The following TNFSF4 variants were observed in gnomAD, a reference collection of about 807,000 sequenced individuals.
TNFSF4 encodes the protein tumor necrosis factor ligand superfamily member 4.
Under a neutral mutation model 7.3 loss-of-function variants are expected in TNFSF4, and 4 were observed. The observed-to-expected ratio is 0.55, with a 90% CI of 0.27 to 1.25. The LOEUF (loss-of-function observed/expected upper bound fraction) is 1.25. Among genes scored for constraint, TNFSF4 ranks in the 50% most tolerant of loss-of-function variants. The pLI is 0.12. For missense variants in TNFSF4, 181 were observed against 208.8 expected (o/e 0.87, Z 0.82); for synonymous variants, 76 against 83.7 (o/e 0.91, Z 0.50).
At chr1:173,195,296 T>C (rs1210999866) in intron 1 of TNFSF4, among the ~76,000 whole-genome samples, 8 of 152,196 alleles carry the variant, frequency 5.3e-5, no homozygotes, top group Admixed American at 5.2e-4. Context: ...GAAACCCTGC[T>C]CTAGAAAGAG....
the TNFSF4 span, among the ~76,000 whole-genome samples, chr1:173,302,182 G>A: frequency 6.6e-6 from 1 of 151,744 alleles, no homozygotes; most frequent in Admixed American, 6.6e-5. Context: ...GCATTCATAG[G>A]GCTGACATAA....
the TNFSF4 span, among the ~76,000 whole-genome samples, chr1:173,251,466 C>T: frequency 1.3e-5 from 2 of 152,174 alleles, no homozygotes; most frequent in Admixed American, 6.5e-5. Context: ...ACATAGTACT[C>T]AATACCTATT....
At chr1:173,239,245 T>C in the TNFSF4 span, among the ~76,000 whole-genome samples, 10 of 152,244 alleles carry the variant, frequency 6.6e-5, no homozygotes, top group East Asian at 1.9e-3. Flanking sequence ...CAAGGATCCA[T>C]TAATAACTGC....
chr1:173,219,510 C>A, the TNFSF4 span, among the ~76,000 whole-genome samples: 1 of 152,104 alleles, frequency 6.6e-6, no homozygotes, highest in East Asian at 1.9e-4. Context: ...ACCATTTGAT[C>A]CAACAATCTC....
the TNFSF4 span, among the ~76,000 whole-genome samples, chr1:173,441,381 G>C: frequency 6.6e-6 from 1 of 152,092 alleles, no homozygotes; most frequent in African/African-American, 2.4e-5. Context: ...CCAGCACTTT[G>C]GGAGGCCAAG....
the TNFSF4 span, among the ~76,000 whole-genome samples, chr1:173,426,521 A>G: frequency 2.6e-5 from 4 of 152,218 alleles, no homozygotes; most frequent in South Asian, 6.2e-4. Context: ...CTATGATTAA[A>G]TAAAGGACTT....
At chr1:173,371,277 T>C in the TNFSF4 span, among the ~76,000 whole-genome samples, 95,929 of 152,084 alleles carry the variant, frequency 0.63, 30,444 homozygotes, top group Admixed American at 0.69. Context: ...TCAGTTGTAA[T>C]TGACAGACTT....
At chr1:173,418,977 G>A in the TNFSF4 span, among the ~76,000 whole-genome samples, 2 of 152,210 alleles carry the variant, frequency 1.3e-5, no homozygotes, top group Non-Finnish European at 2.9e-5. Context: ...CCTTTGAGAG[G>A]TAATTAAGAT....
chr1:173,349,710 G>A, the TNFSF4 span, among the ~76,000 whole-genome samples: 1 of 152,242 alleles, frequency 6.6e-6, no homozygotes, highest in Admixed American at 6.5e-5. Context: ...GAGAAAGTCT[G>A]GGAGAAATAT....
intron 1 of TNFSF4, chr1:173,205,444 A>G: frequency 6.4e-7 from 1 of 1,566,310 alleles, no homozygotes; most frequent in Non-Finnish European, 8.7e-7. Context: ...TTGATAGTCC[A>G]ATGTGACCCC....
chr1:173,401,117 G>A, the TNFSF4 span, among the ~76,000 whole-genome samples: 1 of 151,784 alleles, frequency 6.6e-6, no homozygotes, highest in Non-Finnish European at 1.5e-5. Flanking sequence ...TTTAAGTTTT[G>A]TTAATTTTAC....
At chr1:173,402,626 C>T in the TNFSF4 span, among the ~76,000 whole-genome samples, 1 of 152,206 alleles carries the variant, frequency 6.6e-6, no homozygotes, top group Non-Finnish European at 1.5e-5. Flanking sequence ...TATTTCTCAT[C>T]AATCCTGCTT....
chr1:173,419,419 C>G, the TNFSF4 span, among the ~76,000 whole-genome samples: 1 of 152,174 alleles, frequency 6.6e-6, no homozygotes, highest in African/African-American at 2.4e-5. Flanking sequence ...ATGTGATGCC[C>G]TCTGCCACGT....
chr1:173,188,482 T>C lies in TNFSF4; in HGVS notation c.202+39A>G, dbSNP rs754787162. On this transcript the variant is annotated intron_variant, in intron 2 of 2. Transcript: ENST00000281834. The stretch of plus-strand genomic sequence containing the variant: ...TTAAGAGACTGAAGAGAAGATTCTT[T>C]CAAAAATATGAATCAATTAAACTTT... 1.1e-4 allele frequency: 171 copies of C among 1,495,790 alleles called. 1 individual carries two copies. The South Asian group carries it at 1.8e-3, about 16-fold the overall frequency. 92.7% of individuals were successfully genotyped at this position (1,495,790 alleles called of 1,614,324 possible). A position where few individuals can be genotyped will look rare whatever the true frequency, so the allele number is the denominator to read the frequency against.
chr1:173,325,304 C>T, the TNFSF4 span, among the ~76,000 whole-genome samples: 1 of 151,988 alleles, frequency 6.6e-6, no homozygotes. Flanking sequence ...TAAAGATGTT[C>T]TTTGAAACCA....
At chr1:173,278,828 G>C in the TNFSF4 span, among the ~76,000 whole-genome samples, 1 of 152,038 alleles carries the variant, frequency 6.6e-6, no homozygotes, top group East Asian at 1.9e-4. Flanking sequence ...GAAGATAAGG[G>C]CAGAATTCCC....
At chr1:173,381,091 C>T in the TNFSF4 span, among the ~76,000 whole-genome samples, 17 of 152,264 alleles carry the variant, frequency 1.1e-4, no homozygotes, top group East Asian at 5.8e-4. Context: ...CTACAGGAAC[C>T]GGAATAGCCA....
At chr1:173,416,415 C>T in the TNFSF4 span, among the ~76,000 whole-genome samples, 2 of 151,776 alleles carry the variant, frequency 1.3e-5, no homozygotes, top group African/African-American at 2.4e-5. Flanking sequence ...AGAGGGATGA[C>T]GGAGAGAACC....
At chr1:173,323,525 C>T in the TNFSF4 span, among the ~76,000 whole-genome samples, 2 of 152,150 alleles carry the variant, frequency 1.3e-5, no homozygotes, top group Admixed American at 6.5e-5. Flanking sequence ...ATGACTTTGA[C>T]GAGTTGAGAG....
Sources: allele counts gnomAD v4.1 joint callset (sites outside exome capture counted in the v4.1 genomes callset), GRCh38; gene constraint gnomAD v4.1.1; transcripts MANE v1.5; gene names NCBI Gene and HGNC (gene_info 2026-07-23, HGNC 2026-07-21).